The following RGR variants were observed in gnomAD, a reference collection of about 807,000 sequenced individuals.
RGR encodes the protein retinal G protein coupled receptor.
In RGR, 30 loss-of-function variants were observed where a neutral mutation model predicts 28.6. That is an observed-to-expected ratio of 1.05 (90% CI 0.78 to 1.42). The LOEUF is 1.42. RGR is among the 40% of genes most tolerant of loss of function. The pLI is 0.00. For synonymous variants in RGR, 180 were observed against 156.4 expected, an observed-to-expected ratio of 1.15 and a Z score of -1.13; for missense variants, 404 against 375.6, an observed-to-expected ratio of 1.08 and a Z score of -0.62.
intron 1 of RGR, among the ~76,000 whole-genome samples, chr10:84,246,510 C>G (rs1842748540): frequency 6.6e-6 from 1 of 152,208 alleles, no homozygotes; most frequent in Non-Finnish European, 1.5e-5. Context: ...AGTTACTTCA[C>G]TTACAATAAT....
chr10:84,245,223 C>A (rs1842733509), intron 1 of RGR, 54 bp downstream of exon 1: 1 of 1,566,570 alleles, frequency 6.4e-7, no homozygotes, highest in East Asian at 2.3e-5. Context: ...TCTGAGGACC[C>A]AGGCCACCAG....
At position 84,254,324 on chromosome 10, in the gene RGR, A is replaced by G. The variant is rs1842855228; in HGVS notation, c.513-2A>G. 1.9e-6 allele frequency: 3 copies of G among 1,613,870 alleles called. No homozygotes were observed. The highest frequency in any genetic ancestry group is 2.7e-5 in the African/African-American group (2 of 75,030). On this transcript the variant is annotated splice_acceptor_variant, in intron 4 of 6. Coordinates refer to ENST00000652092, the MANE Select transcript of RGR (RefSeq NM_001012720.2). LOFTEE classifies it high-confidence loss of function. Reference sequence around the variant, plus strand: ...CCAATCCTCCACCCGCTCTCCCTGTAGAAACTTCACCAGCTTCCTCTTCAC... The same window carrying G: ...CCAATCCTCCACCCGCTCTCCCTGTGGAAACTTCACCAGCTTCCTCTTCAC...
At chr10:84,257,154 T>C (rs1010115620) in intron 5 of RGR, among the ~76,000 whole-genome samples, 3 of 152,234 alleles carry the variant, frequency 2.0e-5, no homozygotes, top group African/African-American at 7.2e-5. Flanking sequence ...AGCGTCAGAA[T>C]TGCACGTCCG....
At chr10:84,256,294 T>C (rs1819557999) in intron 5 of RGR, among the ~76,000 whole-genome samples, 1 of 152,020 alleles carries the variant, frequency 6.6e-6, no homozygotes, top group South Asian at 2.1e-4. Context: ...CCTCAGGTGA[T>C]CCACCCACTT....
chr10:84,247,982 A>C (rs1457618017), intron 2 of RGR: 1 of 670,390 alleles, frequency 1.5e-6, no homozygotes, highest in African/African-American at 1.8e-5. Flanking sequence ...TGTAGAGATC[A>C]ATGGTGTGGG....
Position 84,257,968 on chromosome 10 carries a change from A to G in RGR, c.706A>G (p.Ile236Val). Residue 236 changes from isoleucine to valine, a missense_variant, in exon 6 of 7, where the codon ATC becomes GTC. Coordinates refer to ENST00000652092, the MANE Select transcript of RGR (RefSeq NM_001012720.2). ...TGCCATCCTGTATCTATACGCAGTC[A>G]TCGCAGACGTGACTTCCATCTCCCC... ...PYAILYLYAVIADVTSISPKL... is the reference protein window; with the variant it reads ...PYAILYLYAVVADVTSISPKL... 6.2e-7 allele frequency: 1 copy of G among 1,614,190 alleles called. No homozygotes were observed. Among genetic ancestry groups the G allele is most frequent in the Non-Finnish European group, 8.5e-7 (1 of 1,180,028 alleles).
At chr10:84,257,774 C>A (rs138238538) in intron 5 of RGR, 119 bp from the exon 6 acceptor site, 1 of 781,294 alleles carries the variant, frequency 1.3e-6, no homozygotes, top group South Asian at 1.4e-5. Context: ...ACTCAGCCCC[C>A]TCCTGAAGCC....
rs1203680885 is a variant in RGR at position 84,246,188 on chromosome 10, T to C, written c.79+1019T>C. Among the ~76,000 whole-genome samples the C allele has an allele frequency of 3.3e-5, 5 of 152,246 alleles. No homozygotes were observed. In the East Asian group the frequency reaches 9.6e-4, roughly 29 times the overall value. On this transcript the variant is annotated intron_variant, in intron 1 of 6. Transcript: ENST00000652092. Reference sequence around the variant, plus strand: ...ATTTCATGTTTAATGACTAGAAATGTCATTATATACACAATGCTTTGGTTT... The same window carrying C: ...ATTTCATGTTTAATGACTAGAAATGCCATTATATACACAATGCTTTGGTTT...
At chr10:84,255,301 G>A (rs1842868893) in intron 5 of RGR, 2 of 152,696 alleles carry the variant, frequency 1.3e-5, no homozygotes, top group Non-Finnish European at 2.9e-5. Flanking sequence ...GATCAGGACT[G>A]CTCAGATTCA....
At chr10:84,246,203 T>C (rs1842744381) in intron 1 of RGR, among the ~76,000 whole-genome samples, 1 of 152,254 alleles carries the variant, frequency 6.6e-6, no homozygotes, top group Non-Finnish European at 1.5e-5. Flanking sequence ...ATATACACAA[T>C]GCTTTGGTTT....
At chr10:84,247,454 T>C (rs1842760275) in intron 1 of RGR, 137 bp from the exon 2 acceptor site, 1 of 1,054,504 alleles carries the variant, frequency 9.5e-7, no homozygotes, top group Admixed American at 1.7e-5. Context: ...TGTTATAGCA[T>C]GAAGCATGCT....
intron 5 of RGR, among the ~76,000 whole-genome samples, chr10:84,256,655 T>G (rs1376337265): frequency 1.3e-5 from 2 of 152,202 alleles, no homozygotes; most frequent in Non-Finnish European, 2.9e-5. Flanking sequence ...TCCAGTCCCC[T>G]GGCTCCCAGC....
chr10:84,250,151 C>T (rs1427166416), intron 3 of RGR, among the ~76,000 whole-genome samples: 2 of 152,150 alleles, frequency 1.3e-5, no homozygotes, highest in East Asian at 3.9e-4. Context: ...AGCAGCTTGC[C>T]TCGCTACTAA....
chr10:84,252,933 GC>G lies in RGR; in HGVS notation c.439del (p.Leu147PhefsTer65). The G allele has an allele frequency of 1.2e-6, 2 of 1,614,086 alleles. No individual in the cohort carries two copies. Among genetic ancestry groups the G allele is most frequent in the Non-Finnish European group, 1.7e-6 (2 of 1,180,040 alleles). On this transcript the variant is annotated frameshift_variant, in exon 4 of 7. Coordinates refer to ENST00000652092, the MANE Select transcript of RGR (RefSeq NM_001012720.2). LOFTEE classifies it high-confidence loss of function. ...TGTCTTCTGCCTTCTGGGCAGCTCT[GC>G]CCCTTCTGGGTTGGGGTCACTACGA... ...WLSSAFWAAL[P>X]LLGWGHYDYE...
At chr10:84,257,606 G>A (rs1261041277) in intron 5 of RGR, among the ~76,000 whole-genome samples, 1 of 152,192 alleles carries the variant, frequency 6.6e-6, no homozygotes, top group African/African-American at 2.4e-5. Flanking sequence ...AGGAGGAAGC[G>A]CTCATTATCC....
Position 84,257,986 on chromosome 10 carries a change from A to G in RGR, c.724A>G (p.Ile242Val), listed in dbSNP as rs766255656. The part of the protein sequence containing the change: ...LYAVIADVTS[I>V]SPKLQMVPAL... Reference sequence around the variant, plus strand: ...CGCAGTCATCGCAGACGTGACTTCCATCTCCCCCAAACTGCAGATGGTACA... The same window carrying G: ...CGCAGTCATCGCAGACGTGACTTCCGTCTCCCCCAAACTGCAGATGGTACA... The change falls in exon 6 of 7, where the codon ATC becomes GTC. Residue 242 changes from isoleucine (I) to valine (V), a missense_variant. Physicochemically the swap from Ile to Val is conservative, Grantham distance 29. Transcript: ENST00000652092. 11 of 1,614,084 alleles carry G rather than the reference A, an allele frequency of 6.8e-6. No homozygotes were observed. Among genetic ancestry groups the G allele is most frequent in the Non-Finnish European group, 9.3e-6 (11 of 1,180,002 alleles).
intron 1 of RGR, among the ~76,000 whole-genome samples, chr10:84,245,572 C>T (rs574882884): frequency 9.2e-5 from 14 of 152,326 alleles, no homozygotes; most frequent in African/African-American, 3.4e-4. Context: ...GACAGCTCTG[C>T]CTCCTGCTCT....
intron 2 of RGR, 149 bp downstream of exon 2, chr10:84,247,896 C>T (rs1589329793): frequency 9.0e-7 from 1 of 1,106,422 alleles, no homozygotes; most frequent in Middle Eastern, 2.9e-4. Flanking sequence ...GGCTGAATTC[C>T]AGATTGATTC....
chr10:84,249,072 G>A (rs1250702347), intron 3 of RGR, 29 bp downstream of exon 3: 3 of 1,613,204 alleles, frequency 1.9e-6, no homozygotes, highest in Non-Finnish European at 2.5e-6. Flanking sequence ...GGAGTGGAGG[G>A]ACACCGATGC....
Sources: gnomAD v4.1 joint callset for allele counts (sites outside exome capture counted in the v4.1 genomes callset) on GRCh38, gnomAD v4.1.1 for gene constraint, MANE v1.5 for transcripts, NCBI Gene and HGNC (gene_info 2026-07-23, HGNC 2026-07-21) for gene names.